PARVB: variants seen among roughly 807,000 people sequenced by gnomAD.
The protein encoded by PARVB is beta-parvin.
In PARVB, 46 loss-of-function variants were observed where a neutral mutation model predicts 47.0. That is an observed-to-expected ratio of 0.98 (90% CI 0.77 to 1.25). The LOEUF is 1.25. Among genes scored for constraint, PARVB ranks in the 50% most tolerant of loss-of-function variants. PARVB has a pLI of 0.00. For synonymous variants in PARVB, 196 were observed against 196.3 expected, an observed-to-expected ratio of 1.00 and a Z score of 0.01; for missense variants, 473 against 471.6, an observed-to-expected ratio of 1.00 and a Z score of -0.03.
intron 1 of PARVB, among the ~76,000 whole-genome samples, chr22:44,030,396 C>T (rs2050804462): frequency 6.6e-6 from 1 of 152,136 alleles, no homozygotes; most frequent in Non-Finnish European, 1.5e-5. Context: ...CCTGAGGAGA[C>T]CCCCAGGCAG....
upstream of PARVB, among the ~76,000 whole-genome samples, chr22:44,019,964 G>A (rs2050629030): frequency 1.3e-5 from 2 of 152,268 alleles, no homozygotes; most frequent in South Asian, 2.1e-4. Context: ...AAATCAAACT[G>A]CCTTTCCTCT....
intron 9 of PARVB, chr22:44,148,529 C>T (rs536072011): frequency 5.9e-4 from 94 of 160,030 alleles, no homozygotes; most frequent in Non-Finnish European, 1.1e-3. Flanking sequence ...CTGCAGGCAT[C>T]CCATTCAGGA....
rs189575470 is a variant in PARVB, at chr22:44,039,402, G to A, written c.112+14951G>A. ...CTAAAAATATAAAAATTAGCTGGGC[G>A]TGGTGGTGCATGCCTGTAATCCCAG... On this transcript the variant is annotated intron_variant, in intron 1 of 12. Transcript: ENST00000338758. Among the ~76,000 whole-genome samples the A allele has an allele frequency of 1.4e-4, 22 of 152,090 alleles. No individual in the cohort carries two copies. The South Asian group carries it at 2.1e-3, about 14-fold the overall frequency.
chr22:44,018,203 A>G (rs2050604902), intron 2 of PARVB, among the ~76,000 whole-genome samples: 1 of 151,998 alleles, frequency 6.6e-6, no homozygotes, highest in South Asian at 2.1e-4. Context: ...GGAGTTTGAG[A>G]CCAGCCTGGC....
rs113922941 is a variant in PARVB, at chr22:44,148,169, C to A, written c.774+247C>A. The A allele has an allele frequency of 8.6e-4, 464 of 541,224 alleles. 3 individuals are homozygous for A. Among genetic ancestry groups the A allele is most frequent in the African/African-American group, 7.3e-3 (386 of 52,632 alleles). 33.5% of individuals were successfully genotyped at this position (541,224 alleles called of 1,614,324 possible). ...CTCCGCTTCTGTTAAGTGAATTACCCAGCCCCCATTTCTTTCTGACTCGAG... is the reference window on the plus strand; with the variant it reads ...CTCCGCTTCTGTTAAGTGAATTACCAAGCCCCCATTTCTTTCTGACTCGAG... On this transcript the variant is annotated intron_variant, in intron 9 of 12. Transcript: ENST00000338758.
At chr22:44,004,000 A>G (rs1268001806) in intron 2 of PARVB, among the ~76,000 whole-genome samples, 2 of 152,098 alleles carry the variant, frequency 1.3e-5, no homozygotes, top group African/African-American at 4.8e-5. Context: ...CTGTTTGGAG[A>G]ACTTTGCCAG....
At chr22:44,042,984 G>A (rs931917632) in intron 1 of PARVB, among the ~76,000 whole-genome samples, 6 of 152,154 alleles carry the variant, frequency 3.9e-5, no homozygotes, top group African/African-American at 1.4e-4. Context: ...TGTGGTTGCC[G>A]TGGAGTGGAC....
At chr22:44,045,559 G>A (rs1017726174) in intron 1 of PARVB, among the ~76,000 whole-genome samples, 1 of 152,192 alleles carries the variant, frequency 6.6e-6, no homozygotes, top group African/African-American at 2.4e-5. Flanking sequence ...CTTGAGAGCA[G>A]GTATGGGGCT....
chr22:44,101,341 C>T (rs982969160), intron 3 of PARVB, among the ~76,000 whole-genome samples: 2 of 151,568 alleles, frequency 1.3e-5, no homozygotes, highest in South Asian at 2.1e-4. Flanking sequence ...CCCCGGGGGG[C>T]GGAGCCTGCA....
chr22:44,092,212 G>A (rs1452679148), intron 1 of PARVB, among the ~76,000 whole-genome samples: 1 of 152,138 alleles, frequency 6.6e-6, no homozygotes, highest in Non-Finnish European at 1.5e-5. Flanking sequence ...CTGGGTTCAA[G>A]CAATTCTCCC....
intron 1 of PARVB, among the ~76,000 whole-genome samples, chr22:44,062,270 C>T (rs923149983): frequency 1.6e-4 from 25 of 152,108 alleles, no homozygotes; most frequent in Non-Finnish European, 3.2e-4. Context: ...GAGGGCTCAG[C>T]CCCACGAGAC....
intron 3 of PARVB, among the ~76,000 whole-genome samples, chr22:44,118,743 G>A (rs1406229299): frequency 1.3e-5 from 2 of 152,076 alleles, no homozygotes; most frequent in African/African-American, 2.4e-5. Flanking sequence ...CTCTGTCTCT[G>A]TGCTTGCTCT....
chr22:44,072,044 T>G (rs2051666985), intron 1 of PARVB, among the ~76,000 whole-genome samples: 1 of 152,188 alleles, frequency 6.6e-6, no homozygotes, highest in African/African-American at 2.4e-5. Flanking sequence ...GTTTGAAGGT[T>G]TCTCAAGCGT....
chr22:44,147,870 C>T lies in PARVB; in HGVS notation c.722C>T (p.Ala241Val). The T allele has an allele frequency of 6.2e-7, 1 of 1,613,978 alleles. No individual in the cohort carries two copies. Among genetic ancestry groups the T allele is most frequent in the Non-Finnish European group, 8.5e-7 (1 of 1,179,898 alleles). The change falls in exon 9 of 13, where the codon GCC (alanine) becomes GTC (valine). Residue 241 changes from alanine (A) to valine (V), a missense_variant. Transcript: ENST00000338758. The stretch of plus-strand genomic sequence containing the variant: ...CTTTGCATGTCCTCAGAGCGGGATG[C>T]CTTCGACACGCTGTTCGACCACGCC... ...EMMMGRFERD[A>V]FDTLFDHAPD...
chr22:44,154,410 G>A (rs898827948), intron 10 of PARVB, among the ~76,000 whole-genome samples: 1 of 152,144 alleles, frequency 6.6e-6, no homozygotes, highest in African/African-American at 2.4e-5. Flanking sequence ...AGTCGGAGAG[G>A]CCCTGGTTTA....
upstream of PARVB, among the ~76,000 whole-genome samples, chr22:44,024,109 G>C (rs1415800636): frequency 2.6e-5 from 4 of 152,088 alleles, no homozygotes; most frequent in Admixed American, 1.3e-4. Flanking sequence ...CGCCGCTCCC[G>C]GGGTGGCCCC....
intron 1 of PARVB, among the ~76,000 whole-genome samples, chr22:44,064,048 C>CCTGCCATG (rs1230427004): frequency 6.6e-6 from 1 of 152,172 alleles, no homozygotes; most frequent in African/African-American, 2.4e-5. Context: ...TGTCTCATGC[C>CCTGCCATG]CTGCCATGCT....
At chr22:44,131,267 G>A (rs958749659) in intron 4 of PARVB, among the ~76,000 whole-genome samples, 10 of 151,392 alleles carry the variant, frequency 6.6e-5, no homozygotes, top group Non-Finnish European at 1.3e-4. Context: ...TCAGCCTCCC[G>A]AGTAGCTGGG....
In PARVB at chr22:44,014,056, AAAAAG is replaced by A. The variant is rs375284160; in HGVS notation, c.211+14391_211+14395del. ...ATAGCAAGACCTCCATCTCTGTTTG[AAAAAG>A]AAAAGAAGAGAAAAAGATCCACATG... On this transcript the variant is annotated intron_variant, in intron 2 of 13. Coordinates refer to the PARVB transcript ENST00000406477. Among the ~76,000 whole-genome samples the A allele has an allele frequency of 3.3e-3, 508 of 152,320 alleles. 5 individuals carry two copies. The highest frequency in any genetic ancestry group is 0.012 in the African/African-American group (495 of 41,574).
Sources: allele counts gnomAD v4.1 joint callset (sites outside exome capture counted in the v4.1 genomes callset), GRCh38; gene constraint gnomAD v4.1.1; transcripts MANE v1.5; gene names NCBI Gene and HGNC (gene_info 2026-07-23, HGNC 2026-07-21).